The following EPOR variants were observed in gnomAD, a reference collection of about 807,000 sequenced individuals.
EPOR encodes erythropoietin receptor.
In EPOR, 20 loss-of-function variants were observed where a neutral mutation model predicts 34.3. The ratio of observed to expected loss-of-function variants is 0.58; its 90% CI spans 0.41 to 0.85. The LOEUF is 0.85. Ranked by LOEUF, EPOR falls within the 40% of genes least tolerant of loss-of-function variation. The pLI is 0.00. For synonymous variants in EPOR, 312 were observed against 299.0 expected (o/e 1.04, Z -0.45); for missense variants, 601 against 672.7 (o/e 0.89, Z 1.18).
chr19:11,384,023 G>C (rs1968401591), intron 1 of EPOR, 70 bp downstream of exon 1: 2 of 1,069,264 alleles, frequency 1.9e-6, no homozygotes, highest in African/African-American at 1.6e-5. Flanking sequence ...CAGGACCTAG[G>C]CTGGGAGTTC....
chr19:11,381,654 T>C lies in EPOR; in HGVS notation c.585+38A>G, dbSNP rs1436190100. The C allele has an allele frequency of 1.9e-6, 3 of 1,571,464 alleles. No individual in the cohort carries two copies. Among genetic ancestry groups the C allele is most frequent in the African/African-American group, 1.4e-5 (1 of 73,932 alleles). On this transcript the variant is annotated intron_variant, in intron 4 of 7. Transcript: ENST00000222139. The surrounding 1 kb of genome is among the most constrained non-coding windows in gnomAD (Gnocchi z 5.3). ...AGAGGCGTGGCTGGGCCGTAGTCAG[T>C]GGAGCTTTGGGGGCTGGGCCGTAGG... is the stretch of plus-strand genomic sequence containing the variant.
Position 11,377,512 on chromosome 19 carries a change from G to C in EPOR, c.*472C>G. On this transcript the variant is annotated 3_prime_UTR_variant, in exon 8 of 8. Transcript: ENST00000222139. Reference sequence around the variant, plus strand: ...GAAGGTAGAGCTACAGACTGGAAGAGTCTGAACCTCTGACTCATCCCATGG... The same window carrying C: ...GAAGGTAGAGCTACAGACTGGAAGACTCTGAACCTCTGACTCATCCCATGG... The C allele has an allele frequency of 2.2e-6, 1 of 454,306 alleles. No homozygotes were observed. The allele number at this position is 454,306 out of a possible 1,614,324, so 28.1% of individuals were successfully genotyped here.
Position 11,381,272 on chromosome 19 carries a change from C to A in EPOR, c.586-63G>T. On this transcript the variant is annotated intron_variant, in intron 4 of 7. Transcript: ENST00000222139. The surrounding 1 kb of genome is among the most constrained non-coding windows in gnomAD (Gnocchi z 5.3). ...AAAAATAGATGACGTGGGGGCGGGC[C>A]CTGGTGGAACTGAGCCAATCAGGGG... 1 of 1,524,520 alleles carries A rather than the reference C, an allele frequency of 6.6e-7. No individual in the cohort carries two copies. 94.4% of individuals were successfully genotyped at this position (1,524,520 alleles called of 1,614,324 possible).
chr19:11,384,269 A>T lies in EPOR; in HGVS notation c.-62T>A, dbSNP rs1402481980. The stretch of plus-strand genomic sequence containing the variant: ...CCCCTCCGTCCCCCGCCCCCGGCAC[A>T]GTCCACAGCTGGGTCAGCAGCTGCC... On this transcript the variant is annotated 5_prime_UTR_variant, in exon 1 of 8. Transcript: ENST00000222139. 1 of 1,150,536 alleles carries T rather than the reference A, an allele frequency of 8.7e-7. No homozygotes were observed. The highest frequency in any genetic ancestry group is 1.3e-6 in the Non-Finnish European group (1 of 795,000). 71.3% of individuals were successfully genotyped at this position (1,150,536 alleles called of 1,614,324 possible). A position where few individuals can be genotyped will look rare whatever the true frequency, so the allele number is the denominator to read the frequency against.
rs202198017 is a variant in EPOR, at chr19:11,381,664, G to A, written c.585+28C>T. 4.4e-6 allele frequency: 7 copies of A among 1,582,296 alleles called. No homozygotes were observed. In the East Asian group the frequency reaches 7.0e-5, roughly 16 times the overall value. ...CTGGGCCGTAGTCAGTGGAGCTTTG[G>A]GGGCTGGGCCGTAGGGGCTGGCCTC... On this transcript the variant is annotated intron_variant, in intron 4 of 7. Coordinates refer to ENST00000222139, the MANE Select transcript of EPOR (RefSeq NM_000121.4). This position sits in a 1 kb window ranked among gnomAD's most constrained non-coding sequence, Gnocchi z 5.3.
chr19:11,381,954 G>C lies in EPOR; in HGVS notation c.403C>G (p.Arg135Gly). 6.2e-7 allele frequency: 1 copy of C among 1,614,224 alleles called. No individual in the cohort carries two copies. Among genetic ancestry groups the C allele is most frequent in the South Asian group, 1.1e-5 (1 of 91,082 alleles). The change falls in exon 3 of 8, where the codon CGT (arginine) becomes GGT (glycine). Residue 135 changes from arginine (R) to glycine (G), a missense_variant. Coordinates refer to ENST00000222139, the MANE Select transcript of EPOR (RefSeq NM_000121.4). This position sits in a 1 kb window ranked among gnomAD's most constrained non-coding sequence, Gnocchi z 5.3. ...TAASGAPRYH[R>G]VIHINEVVLL... ...CCTACTTCATTGATGTGGATGACAC[G>C]GTGATATCGCGGAGCGCCGGAGGCT...
intron 2 of EPOR, chr19:11,382,835 GTA>G: frequency 6.8e-7 from 1 of 1,469,556 alleles, no homozygotes; most frequent in Non-Finnish European, 9.0e-7. Flanking sequence ...CCCCGACGTA[GTA>G]ACGCCTTACC....
rs2144698211 is a variant in EPOR, at chr19:11,381,771, G to T, written c.506C>A (p.Pro169Gln). The T allele has an allele frequency of 1.2e-6, 2 of 1,613,444 alleles. No individual in the cohort carries two copies. The highest frequency in any genetic ancestry group is 2.2e-5 in the East Asian group (1 of 44,864). The stretch of plus-strand genomic sequence containing the variant: ...GTGAGACGTCATGGGTGTCTCAGGC[G>T]GCGGGAGCCAGCGCAACACTACGTG... ...SGHVVLRWLPPPETPMTSHIR... is the reference protein window; with the variant it reads ...SGHVVLRWLPQPETPMTSHIR... Residue 169 changes from proline (P) to glutamine (Q), a missense_variant, in exon 4 of 8, where the codon CCG (proline) becomes CAG (glutamine). Physicochemically the swap from Pro to Gln is moderately conservative, Grantham distance 76. Coordinates refer to ENST00000222139, the MANE Select transcript of EPOR (RefSeq NM_000121.4). The surrounding 1 kb of genome is among the most constrained non-coding windows in gnomAD (Gnocchi z 5.3).
chr19:11,380,941 A>T lies in EPOR; in HGVS notation c.770T>A (p.Leu257His), dbSNP rs1192368347. The T allele has an allele frequency of 6.4e-7, 1 of 1,552,236 alleles. No individual in the cohort carries two copies. Among genetic ancestry groups the T allele is most frequent in the Admixed American group, 2.0e-5 (1 of 51,026 alleles). The change falls in exon 6 of 8, where the codon CTC (leucine) becomes CAC (histidine). Residue 257 changes from leucine (L) to histidine (H), a missense_variant. Coordinates refer to ENST00000222139, the MANE Select transcript of EPOR (RefSeq NM_000121.4). Reference protein sequence around the residue: ...DLDPLILTLSLILVVILVLLT... With the variant: ...DLDPLILTLSHILVVILVLLT... The stretch of plus-strand genomic sequence containing the variant: ...CAGCACCAGGATGACCACGAGGATG[A>T]GGGAGAGCGTCAGGATGAGGGGGTC...
At chr19:11,382,980 C>G in intron 2 of EPOR, 117 bp downstream of exon 2, 2 of 1,589,518 alleles carry the variant, frequency 1.3e-6, no homozygotes, top group Non-Finnish European at 1.7e-6. Context: ...CCAGTGACCA[C>G]GACTGGAGGC....
In EPOR at chr19:11,377,281, G is replaced by C. The variant is rs1482095818; in HGVS notation, c.*703C>G. On this transcript the variant is annotated 3_prime_UTR_variant, in exon 8 of 8. Transcript: ENST00000222139. The stretch of plus-strand genomic sequence containing the variant: ...GCCCTTAAACAGCTTTGCCCTTCCT[G>C]GGTGTACAGCTAAACTAAGTTTCCT... 1 of 454,080 alleles carries C rather than the reference G, an allele frequency of 2.2e-6. No homozygotes were observed. Among genetic ancestry groups the C allele is most frequent in the East Asian group, 6.9e-5 (1 of 14,400 alleles). The allele number at this position is 454,080 out of a possible 1,614,324, so 28.1% of individuals were successfully genotyped here. A position where few individuals can be genotyped will look rare whatever the true frequency, so the allele number is the denominator to read the frequency against.
chr19:11,377,957 A>G lies in EPOR; in HGVS notation c.*27T>C, dbSNP rs1968303458. The G allele has an allele frequency of 6.2e-7, 1 of 1,613,428 alleles. No homozygotes were observed. Among genetic ancestry groups the G allele is most frequent in the African/African-American group, 1.3e-5 (1 of 74,990 alleles). ...GCACTGGTTCTCTGAGTCATATTGG[A>G]TCCCTGATCATCTGCAGCCTGGTGT... is the stretch of plus-strand genomic sequence containing the variant. On this transcript the variant is annotated 3_prime_UTR_variant, in exon 8 of 8. Transcript: ENST00000222139.
At chr19:11,384,038 CCCAGCATGGTCCTGCAGGCT>C in intron 1 of EPOR, 35 bp downstream of exon 1, 1 of 1,229,316 alleles carries the variant, frequency 8.1e-7, no homozygotes, top group Middle Eastern at 1.9e-4. Flanking sequence ...GAGTTCAGGC[CCCAGCATGGTCCTGCAGGCT>C]CCAGCGTAGG....
Position 11,381,219 on chromosome 19 carries a change from G to A in EPOR, c.586-10C>T. The A allele has an allele frequency of 6.5e-7, 1 of 1,548,978 alleles. No homozygotes were observed. The highest frequency in any genetic ancestry group is 8.7e-7 in the Non-Finnish European group (1 of 1,146,972). ...CCTCCAGGATCTCCACCTGGGGGCGGAATCAGGGCGAGGGACGCGTAGCAG... is the reference window on the plus strand; with the variant it reads ...CCTCCAGGATCTCCACCTGGGGGCGAAATCAGGGCGAGGGACGCGTAGCAG... On this transcript the variant is annotated splice_polypyrimidine_tract_variant and intron_variant, in intron 4 of 7. Transcript: ENST00000222139. This position sits in a 1 kb window ranked among gnomAD's most constrained non-coding sequence, Gnocchi z 5.3.
Position 11,380,892 on chromosome 19 carries a change from G to C in EPOR, c.819C>G (p.Ser273=). ...LVLLTVLALL[S]HRRALKQKIW... is the part of the protein sequence containing the mutation. ...CCAAATGGGGAGCTCACCGGCGGTG[G>C]GAGAGCAGCGCGAGCACGGTCAGCA... Residue 273 remains serine, a synonymous_variant, in exon 6 of 8, where the codon TCC becomes TCG. Coordinates refer to ENST00000222139, the MANE Select transcript of EPOR (RefSeq NM_000121.4). The C allele has an allele frequency of 6.4e-7, 1 of 1,551,554 alleles. No individual in the cohort carries two copies. The highest frequency in any genetic ancestry group is 8.7e-7 in the Non-Finnish European group (1 of 1,146,852).
At position 11,381,659 on chromosome 19, in the gene EPOR, C is replaced by G. The variant is rs751412892; in HGVS notation, c.585+33G>C. ...CGTGGCTGGGCCGTAGTCAGTGGAG[C>G]TTTGGGGGCTGGGCCGTAGGGGCTG... is the stretch of plus-strand genomic sequence containing the variant. On this transcript the variant is annotated intron_variant, in intron 4 of 7. Coordinates refer to ENST00000222139, the MANE Select transcript of EPOR (RefSeq NM_000121.4). The surrounding 1 kb of genome is among the most constrained non-coding windows in gnomAD (Gnocchi z 5.3). 2 of 1,576,228 alleles carry G rather than the reference C, an allele frequency of 1.3e-6. No individual in the cohort carries two copies. Among genetic ancestry groups the G allele is most frequent in the South Asian group, 2.3e-5 (2 of 86,948 alleles).
At position 11,381,668 on chromosome 19, in the gene EPOR, C is replaced by T. The variant is rs1213248616; in HGVS notation, c.585+24G>A. On this transcript the variant is annotated intron_variant, in intron 4 of 7. Coordinates refer to ENST00000222139, the MANE Select transcript of EPOR (RefSeq NM_000121.4). The surrounding 1 kb of genome is among the most constrained non-coding windows in gnomAD (Gnocchi z 5.3). Reference sequence around the variant, plus strand: ...GCCGTAGTCAGTGGAGCTTTGGGGGCTGGGCCGTAGGGGCTGGCCTCACCC... The same window carrying T: ...GCCGTAGTCAGTGGAGCTTTGGGGGTTGGGCCGTAGGGGCTGGCCTCACCC... 1 of 1,586,268 alleles carries T rather than the reference C, an allele frequency of 6.3e-7. No homozygotes were observed.
chr19:11,380,102 G>T (rs923211813), intron 6 of EPOR, among the ~76,000 whole-genome samples: 2 of 152,238 alleles, frequency 1.3e-5, no homozygotes, highest in African/African-American at 4.8e-5. Flanking sequence ...TCAAGCGGCT[G>T]CTTCCTTCCA....
In EPOR at chr19:11,381,064, G is replaced by C; in HGVS notation, c.731C>G (p.Thr244Arg). 6.2e-7 allele frequency: 1 copy of C among 1,601,970 alleles called. No individual in the cohort carries two copies. The highest frequency in any genetic ancestry group is 8.5e-7 in the Non-Finnish European group (1 of 1,174,470). ...SAWSEPVSLL[T>R]PSDLDPLILT... is the part of the protein sequence containing the mutation. ...CCCGCCTGGGGCCTCACCGCTAGGCGTCAGCAGCGACACAGGCTCCGACCA... is the reference window on the plus strand; with the variant it reads ...CCCGCCTGGGGCCTCACCGCTAGGCCTCAGCAGCGACACAGGCTCCGACCA... The change falls in exon 5 of 8, where the codon ACG (threonine) becomes AGG (arginine). Residue 244 changes from threonine to arginine, a missense_variant. Physicochemically the swap from Thr to Arg is moderately conservative, Grantham distance 71 (BLOSUM62 -1). Transcript: ENST00000222139. The surrounding 1 kb of genome is among the most constrained non-coding windows in gnomAD (Gnocchi z 5.3).
Sources: gnomAD v4.1 joint callset for allele counts (sites outside exome capture counted in the v4.1 genomes callset) on GRCh38, gnomAD v4.1.1 for gene constraint, Gnocchi (gnomAD v3.1) non-coding constraint, MANE v1.5 for transcripts, NCBI Gene and HGNC (gene_info 2026-07-23, HGNC 2026-07-21) for gene names.